The following PPP4R3B variants were observed in gnomAD, a reference collection of about 807,000 sequenced individuals.
The protein encoded by PPP4R3B is serine/threonine-protein phosphatase 4 regulatory subunit 3B.
Under a neutral mutation model 95.4 loss-of-function variants are expected in PPP4R3B, and 52 were observed. The observed-to-expected ratio is 0.54, with a 90% CI of 0.44 to 0.69. The LOEUF is 0.69. PPP4R3B is among the 30% of genes least tolerant of loss of function. PPP4R3B has a pLI of 0.00. For synonymous variants in PPP4R3B, 407 were observed against 343.9 expected (o/e 1.18, Z -2.03); for missense variants, 1,003 against 1,005.9 (o/e 1.00, Z 0.04).
At chr2:55,580,729 T>C (rs985344509) in intron 8 of PPP4R3B, among the ~76,000 whole-genome samples, 3 of 152,218 alleles carry the variant, frequency 2.0e-5, no homozygotes, top group African/African-American at 7.2e-5. Context: ...AAACTTGTAA[T>C]GATTTAAAAA....
intron 2 of PPP4R3B, 186 bp downstream of exon 2, chr2:55,615,265 G>T (rs1694732148): frequency 5.5e-6 from 3 of 547,220 alleles, no homozygotes; most frequent in Non-Finnish European, 9.6e-6. Context: ...ATCCAAAAAT[G>T]ATAATTATCA....
intron 2 of PPP4R3B, among the ~76,000 whole-genome samples, chr2:55,610,798 T>C (rs908572079): frequency 6.6e-6 from 1 of 152,078 alleles, no homozygotes; most frequent in Non-Finnish European, 1.5e-5. Flanking sequence ...CAAATAAAAC[T>C]GCAATGAGGA....
At chr2:55,602,444 A>G (rs1319600021) in intron 3 of PPP4R3B, among the ~76,000 whole-genome samples, 1 of 152,160 alleles carries the variant, frequency 6.6e-6, no homozygotes, top group Non-Finnish European at 1.5e-5. Flanking sequence ...AATAATGTTT[A>G]CCTGGGGGAC....
At position 55,549,900 on chromosome 2, in the gene PPP4R3B, TAATA is replaced by T. The variant is rs1398848456; in HGVS notation, c.*7_*10del. 6.3e-7 allele frequency: 1 copy of T among 1,598,170 alleles called. No individual in the cohort carries two copies. On this transcript the variant is annotated 3_prime_UTR_variant, in exon 17 of 17. Coordinates refer to ENST00000616407, the MANE Select transcript of PPP4R3B (RefSeq NM_001122964.3). Reference sequence around the variant, plus strand: ...GTAAGACCACATGTTGAGGGTCCCCTAATAAATATTTTATGAGCCAAGACGAGGT... The same window carrying T: ...GTAAGACCACATGTTGAGGGTCCCCTAATATTTTATGAGCCAAGACGAGGT...
chr2:55,602,615 G>A (rs980588717), intron 3 of PPP4R3B, among the ~76,000 whole-genome samples: 2 of 152,158 alleles, frequency 1.3e-5, no homozygotes, highest in African/African-American at 2.4e-5. Flanking sequence ...CCCTGGACAC[G>A]AAGGTTTGGG....
At position 55,593,209 on chromosome 2, in the gene PPP4R3B, T is replaced by C. The variant is rs974899457; in HGVS notation, c.922-4253A>G. 3.3e-5 allele frequency among the ~76,000 whole-genome samples: 5 copies of C among 152,178 alleles called. No homozygotes were observed. The East Asian group carries it at 9.6e-4, about 29-fold the overall frequency. ...AATATTTTAAAAGAATGTTGCTCAA[T>C]TCTGGGCACAGGGGATTTTGATCTG... is the stretch of plus-strand genomic sequence containing the variant. On this transcript the variant is annotated intron_variant, in intron 4 of 16. Transcript: ENST00000616407.
chr2:55,594,730 T>C (rs535129154), intron 4 of PPP4R3B, among the ~76,000 whole-genome samples: 1 of 152,192 alleles, frequency 6.6e-6, no homozygotes, highest in African/African-American at 2.4e-5. Context: ...AATGTTTTTC[T>C]GTCAACAAGT....
intron 4 of PPP4R3B, among the ~76,000 whole-genome samples, chr2:55,597,243 T>A (rs1432208183): frequency 1.3e-5 from 2 of 152,086 alleles, no homozygotes; most frequent in Non-Finnish European, 2.9e-5. Context: ...TCCAAGCACT[T>A]TGGGAGGCCG....
chr2:55,571,217 G>A (rs1255930456), intron 12 of PPP4R3B, among the ~76,000 whole-genome samples: 2 of 152,038 alleles, frequency 1.3e-5, no homozygotes, highest in Non-Finnish European at 2.9e-5. Context: ...GGCTGAGGCA[G>A]GAGAATCACT....
chr2:55,579,599 G>A lies in PPP4R3B; in HGVS notation c.1468+80C>T, dbSNP rs1689166478. 4 of 936,856 alleles carry A rather than the reference G, an allele frequency of 4.3e-6. No homozygotes were observed. The South Asian group carries it at 6.5e-5, about 15-fold the overall frequency. 58.0% of individuals were successfully genotyped at this position (936,856 alleles called of 1,614,324 possible). A position where few individuals can be genotyped will look rare whatever the true frequency, so the allele number is the denominator to read the frequency against. On this transcript the variant is annotated intron_variant, in intron 9 of 16. Transcript: ENST00000616407. ...ATCTCCCTGTCTTATAAAGTCTCAA[G>A]TAAATTGCCTGTTAGTTTAATATTT...
chr2:55,608,149 C>T (rs1209050482), intron 2 of PPP4R3B, among the ~76,000 whole-genome samples: 1 of 152,068 alleles, frequency 6.6e-6, no homozygotes, highest in Non-Finnish European at 1.5e-5. Flanking sequence ...GGATTACAGG[C>T]GTGTGCCACC....
chr2:55,557,328 C>T (rs1487763413), intron 16 of PPP4R3B, among the ~76,000 whole-genome samples: 1 of 152,094 alleles, frequency 6.6e-6, no homozygotes, highest in African/African-American at 2.4e-5. Context: ...GTAGCTGGGA[C>T]CACAGGTGTG....
chr2:55,577,025 T>C (rs1209031338), intron 11 of PPP4R3B, among the ~76,000 whole-genome samples: 1 of 152,218 alleles, frequency 6.6e-6, no homozygotes, highest in Admixed American at 6.5e-5. Flanking sequence ...AGTAATTGGT[T>C]TTAGTTTACT....
chr2:55,592,384 T>C (rs2104385523), intron 4 of PPP4R3B, among the ~76,000 whole-genome samples: 2 of 152,262 alleles, frequency 1.3e-5, no homozygotes, highest in South Asian at 4.1e-4. Context: ...ACTTCAAACG[T>C]ATGAATCAAA....
intron 9 of PPP4R3B, 129 bp downstream of exon 9, chr2:55,579,550 T>C (rs956150874): frequency 6.2e-6 from 3 of 480,406 alleles, no homozygotes; most frequent in African/African-American, 6.0e-5. Context: ...AATTTTATAT[T>C]GCAGTTTAAG....
chr2:55,585,153 C>T lies in PPP4R3B; in HGVS notation c.1131G>A (p.Leu377=). 6.2e-7 allele frequency: 1 copy of T among 1,607,778 alleles called. No individual in the cohort carries two copies. The highest frequency in any genetic ancestry group is 8.5e-7 in the Non-Finnish European group (1 of 1,177,558). ...TATCTGTAGCAGCTGATCTGACTTG[C>T]AAATCATCCATGCCCTGATAAAAGG... is the stretch of plus-strand genomic sequence containing the variant. ...ALEIVMGMDD[L]QVRSAATDIF... is the part of the protein sequence containing the mutation. The change falls in exon 7 of 17, where the codon TTG becomes TTA. Residue 377 remains leucine (L), a synonymous_variant. Transcript: ENST00000616407.
intron 13 of PPP4R3B, among the ~76,000 whole-genome samples, chr2:55,567,258 AG>A (rs1032197386): frequency 3.7e-4 from 56 of 152,292 alleles, no homozygotes; most frequent in South Asian, 4.1e-4. Flanking sequence ...ACTATCCAAA[AG>A]GATGTTCTTG....
chr2:55,565,203 C>A (rs1687128185), intron 13 of PPP4R3B, among the ~76,000 whole-genome samples, 162 bp from the exon 14 acceptor site: 1 of 151,404 alleles, frequency 6.6e-6, no homozygotes, highest in African/African-American at 2.4e-5. Flanking sequence ...GTCAGGACTG[C>A]ACAGAAAACT....
At chr2:55,588,011 A>T (rs938359920) in intron 5 of PPP4R3B, among the ~76,000 whole-genome samples, 3 of 152,216 alleles carry the variant, frequency 2.0e-5, no homozygotes, top group African/African-American at 7.2e-5. Flanking sequence ...AATATGCATT[A>T]CTATAACATA....
Sources: gnomAD v4.1 joint callset for allele counts (sites outside exome capture counted in the v4.1 genomes callset) on GRCh38, gnomAD v4.1.1 for gene constraint, MANE v1.5 for transcripts, NCBI Gene and HGNC (gene_info 2026-07-23, HGNC 2026-07-21) for gene names.